The following DLG2 variants were observed in gnomAD, a reference collection of about 807,000 sequenced individuals.
The protein encoded by DLG2 is discs large MAGUK scaffold protein 2.
DLG2 carries 45 observed loss-of-function variants against 132.5 expected under a neutral mutation model. That is an observed-to-expected ratio of 0.34 (90% CI 0.27 to 0.44). The LOEUF (loss-of-function observed/expected upper bound fraction) is 0.44. Among genes scored for constraint, DLG2 ranks in the 20% least tolerant of loss-of-function variants. The pLI is 1.00. For missense variants in DLG2, 1,045 were observed against 1,196.9 expected (o/e 0.87, Z 1.87); for synonymous variants, 424 against 419.6 (o/e 1.01, Z -0.13).
intron 3 of DLG2, among the ~76,000 whole-genome samples, chr11:85,340,902 T>G (rs974712164): frequency 2.6e-5 from 4 of 152,314 alleles, no homozygotes; most frequent in Admixed American, 6.5e-5. Flanking sequence ...TTTCTTATAT[T>G]TAGATCCCTA....
chr11:84,110,959 C>T (rs968376671), intron 9 of DLG2, among the ~76,000 whole-genome samples: 4 of 151,926 alleles, frequency 2.6e-5, no homozygotes, highest in Non-Finnish European at 5.9e-5. Context: ...TTATATATCC[C>T]GAGGAACACA....
At chr11:84,977,367 ACGGCAAGTCATCCTT>A (rs2055048510) in intron 6 of DLG2, among the ~76,000 whole-genome samples, 1 of 152,122 alleles carries the variant, frequency 6.6e-6, no homozygotes, top group African/African-American at 2.4e-5. Flanking sequence ...AATCAAAGAG[ACGGCAAGTCATCCTT>A]CATGACCCCT....
At chr11:83,848,412 T>C (rs1258729830) in intron 16 of DLG2, among the ~76,000 whole-genome samples, 2 of 152,202 alleles carry the variant, frequency 1.3e-5, no homozygotes, top group Non-Finnish European at 2.9e-5. Flanking sequence ...CAGTCTTCTC[T>C]ACTCCAAATT....
At position 84,714,605 on chromosome 11, in the gene DLG2, T is replaced by C. The variant is rs779842639; in HGVS notation, c.358-179874A>G. On this transcript the variant is annotated intron_variant, in intron 6 of 27. Coordinates refer to ENST00000376104, the MANE Select transcript of DLG2 (RefSeq NM_001142699.3). ...TCTTTCTCTTTCTCTTTCTTTCTCT[T>C]TCTCTTTCTCTTTCTCTTTCTCTCT... Among the ~76,000 whole-genome samples the C allele has an allele frequency of 1.9e-3, 187 of 99,334 alleles. 2 individuals carry two copies. The highest frequency in any genetic ancestry group is 6.6e-3 in the African/African-American group (148 of 22,524). The allele number at this position is 99,334 out of a possible 152,430, so 65.2% of individuals were successfully genotyped here.
rs2099142697 is a variant in DLG2, at chr11:84,483,370, G to A, written c.519+51200C>T. ...TCCCTTGAGCCCGGGAGATGGGGTTGCAGTGAGCCTGGATCATGCCATTGC... is the reference window on the plus strand; with the variant it reads ...TCCCTTGAGCCCGGGAGATGGGGTTACAGTGAGCCTGGATCATGCCATTGC... On this transcript the variant is annotated intron_variant, in intron 7 of 27. Coordinates refer to ENST00000376104, the MANE Select transcript of DLG2 (RefSeq NM_001142699.3). Among the ~76,000 whole-genome samples the A allele has an allele frequency of 2.0e-5, 3 of 147,934 alleles. No homozygotes were observed. In the Admixed American group the frequency reaches 2.0e-4, roughly 10 times the overall value.
At chr11:83,685,278 A>C (rs942833617) in intron 18 of DLG2, among the ~76,000 whole-genome samples, 7 of 152,106 alleles carry the variant, frequency 4.6e-5, no homozygotes. Flanking sequence ...GTAACATAAA[A>C]CATTAGTGTC....
intron 6 of DLG2, among the ~76,000 whole-genome samples, chr11:85,017,175 T>G (rs1425242820): frequency 6.6e-6 from 1 of 152,154 alleles, no homozygotes; most frequent in Non-Finnish European, 1.5e-5. Flanking sequence ...ATCTTCCTCT[T>G]TCCTAAATCT....
chr11:84,892,366 TTGTTAA>T (rs752779252), intron 6 of DLG2, among the ~76,000 whole-genome samples: 10 of 152,130 alleles, frequency 6.6e-5, no homozygotes, highest in Non-Finnish European at 1.3e-4. Context: ...TAAATAACCA[TTGTTAA>T]TGTTAATTTC....
intron 7 of DLG2, among the ~76,000 whole-genome samples, chr11:84,414,097 T>C (rs976149065): frequency 6.6e-6 from 1 of 152,214 alleles, no homozygotes; most frequent in Non-Finnish European, 1.5e-5. Context: ...ATCTATAAGA[T>C]AGATCATGCT....
At chr11:85,317,307 A>T (rs2080752863) in intron 3 of DLG2, among the ~76,000 whole-genome samples, 2 of 151,904 alleles carry the variant, frequency 1.3e-5, no homozygotes. Context: ...TTAATCCTTT[A>T]TTCTAACTAA....
intron 6 of DLG2, among the ~76,000 whole-genome samples, chr11:85,093,811 G>A (rs1183918859): frequency 6.6e-6 from 1 of 152,140 alleles, no homozygotes; most frequent in Non-Finnish European, 1.5e-5. Context: ...TTTGGGTGGG[G>A]ACACAGCCAA....
At chr11:84,983,064 C>A (rs1464804756) in intron 6 of DLG2, among the ~76,000 whole-genome samples, 1 of 152,146 alleles carries the variant, frequency 6.6e-6, no homozygotes, top group Non-Finnish European at 1.5e-5. Context: ...TGCCAGAAGT[C>A]TTATCCAGTG....
At chr11:84,934,255 G>T (rs899634673) in intron 6 of DLG2, among the ~76,000 whole-genome samples, 17 of 151,856 alleles carry the variant, frequency 1.1e-4, no homozygotes, top group African/African-American at 4.1e-4. Context: ...TTTTTGATGT[G>T]CTACTGGATT....
At chr11:84,030,676 C>T (rs182433098) in intron 11 of DLG2, among the ~76,000 whole-genome samples, 9 of 152,098 alleles carry the variant, frequency 5.9e-5, no homozygotes, top group African/African-American at 7.2e-5. Context: ...TCCCAGATTG[C>T]GAGGATCATA....
chr11:83,628,664 C>T (rs1306416646), intron 19 of DLG2, among the ~76,000 whole-genome samples: 1 of 152,154 alleles, frequency 6.6e-6, no homozygotes, highest in Non-Finnish European at 1.5e-5. Context: ...TCTACCTCCT[C>T]ATCTGCATCA....
At chr11:83,788,803 C>T (rs190786594) in intron 17 of DLG2, among the ~76,000 whole-genome samples, 2 of 152,192 alleles carry the variant, frequency 1.3e-5, no homozygotes, top group African/African-American at 4.8e-5. Flanking sequence ...GTAAAAGTCC[C>T]CTCACCATCT....
At chr11:83,488,206 T>C (rs919897654) in intron 21 of DLG2, among the ~76,000 whole-genome samples, 1 of 152,026 alleles carries the variant, frequency 6.6e-6, no homozygotes, top group Non-Finnish European at 1.5e-5. Flanking sequence ...TTTAATTGAA[T>C]GAGAGTAAAC....
chr11:84,136,022 T>C (rs1446410301), intron 9 of DLG2, among the ~76,000 whole-genome samples: 2 of 152,130 alleles, frequency 1.3e-5, no homozygotes, highest in Non-Finnish European at 2.9e-5. Flanking sequence ...AGTGGCTGAC[T>C]AGACGCAAAC....
intron 3 of DLG2, among the ~76,000 whole-genome samples, chr11:85,412,919 T>C (rs1014193399): frequency 6.6e-6 from 1 of 151,812 alleles, no homozygotes; most frequent in Non-Finnish European, 1.5e-5. Context: ...TTCCTCTGGG[T>C]AGATAGCCAG....
Sources: gnomAD v4.1 joint callset for allele counts (sites outside exome capture counted in the v4.1 genomes callset) on GRCh38, gnomAD v4.1.1 for gene constraint, MANE v1.5 for transcripts, NCBI Gene and HGNC (gene_info 2026-07-23, HGNC 2026-07-21) for gene names.